C8orf58: variants seen among roughly 807,000 people sequenced by gnomAD.
C8orf58 encodes the protein uncharacterized protein C8orf58.
In C8orf58, 31 loss-of-function variants were observed where a neutral mutation model predicts 36.8. The ratio of observed to expected loss-of-function variants is 0.84; its 90% CI spans 0.63 to 1.14. C8orf58 has a LOEUF of 1.14. C8orf58 is among the 50% of genes most tolerant of loss of function. The pLI is 0.00. For missense variants in C8orf58, 538 were observed against 480.8 expected (o/e 1.12, Z -1.11); for synonymous variants, 230 against 200.2 (o/e 1.15, Z -1.26).
At chr8:22,603,141 C>T (rs1381703965) in intron 6 of C8orf58, 54 bp from the exon 7 acceptor site, 2 of 1,326,350 alleles carry the variant, frequency 1.5e-6, no homozygotes, top group Non-Finnish European at 2.2e-6. Context: ...ACTCTAGGGC[C>T]ATTGTTAGTT....
Position 22,601,719 on chromosome 8 carries a change from G to A in C8orf58, c.524G>A (p.Gly175Asp), listed in dbSNP as rs780564255. The change falls in exon 3 of 7, where the codon GGC (glycine) becomes GAC (aspartate). Residue 175 changes from glycine to aspartate, a missense_variant. Coordinates refer to ENST00000289989, the MANE Select transcript of C8orf58 (RefSeq NM_001013842.3). ...EAGLEEEAVG[G>D]LGPGAWACLP... ...TCTCACAATGTCCCACAGGTGGGGGGCCTGGGGCCTGGAGCCTGGGCCTGC... is the reference window on the plus strand; with the variant it reads ...TCTCACAATGTCCCACAGGTGGGGGACCTGGGGCCTGGAGCCTGGGCCTGC... The A allele has an allele frequency of 8.7e-6, 14 of 1,608,414 alleles. No homozygotes were observed. Among genetic ancestry groups the A allele is most frequent in the Non-Finnish European group, 2.5e-6 (3 of 1,177,942 alleles).
intron 1 of C8orf58, 109 bp downstream of exon 1, chr8:22,599,869 G>A: frequency 2.0e-6 from 1 of 490,042 alleles, no homozygotes; most frequent in Non-Finnish European, 3.1e-6. Flanking sequence ...CGCGCACCCC[G>A]CGGGCGGAGC....
At chr8:22,599,823 A>T in intron 1 of C8orf58, 63 bp downstream of exon 1, 1 of 746,540 alleles carries the variant, frequency 1.3e-6, no homozygotes, top group Non-Finnish European at 1.8e-6. Context: ...TCCCGCCCCC[A>T]AGCCGGGCAC....
At position 22,599,731 on chromosome 8, in the gene C8orf58, G is replaced by A. The variant is rs1286337801; in HGVS notation, c.11G>A (p.Arg4Gln). 4 of 1,218,400 alleles carry A rather than the reference G, an allele frequency of 3.3e-6. No homozygotes were observed. The highest frequency in any genetic ancestry group is 4.1e-6 in the Non-Finnish European group (4 of 979,474). 75.5% of individuals were successfully genotyped at this position (1,218,400 alleles called of 1,614,324 possible). A position where few individuals can be genotyped will look rare whatever the true frequency, so the allele number is the denominator to read the frequency against. Residue 4 changes from arginine (R) to glutamine (Q), a missense_variant, in exon 1 of 7, where the codon CGG (arginine) becomes CAG (glutamine). By Grantham distance (43) the Arg-to-Gln change is conservative. Transcript: ENST00000289989. ...GGCCGGGAGCGGGCCATGATGGGCC[G>A]GCGGCGCGCCTTCGCCGTGGACGGC... Reference protein sequence around the residue: MMGRRRAFAVDGRD... With the variant: MMGQRRAFAVDGRD...
In C8orf58 at chr8:22,601,036, C is replaced by T. The variant is rs201976769; in HGVS notation, c.195C>T (p.Ala65=). 2 of 1,612,846 alleles carry T rather than the reference C, an allele frequency of 1.2e-6. No individual in the cohort carries two copies. The highest frequency in any genetic ancestry group is 2.2e-5 in the East Asian group (1 of 44,882). Residue 65 remains alanine, a synonymous_variant, in exon 2 of 7, where the codon GCC becomes GCT. Transcript: ENST00000289989. ...VGREALFLKL[A]SRDSGVEMAV... ...GGGAGGCACTCTTTCTCAAACTGGCCTCCCGGGACTCAGGAGTGGAGATGG... is the reference window on the plus strand; with the variant it reads ...GGGAGGCACTCTTTCTCAAACTGGCTTCCCGGGACTCAGGAGTGGAGATGG...
intron 1 of C8orf58, 121 bp downstream of exon 1, chr8:22,599,881 C>T (rs1211298261): frequency 1.2e-5 from 5 of 425,606 alleles, no homozygotes; most frequent in African/African-American, 2.1e-5. Context: ...GGGCGGAGCC[C>T]GCGCCGCTGC....
Position 22,603,427 on chromosome 8 carries a change from C to A in C8orf58, c.*121C>A. 1 of 752,690 alleles carries A rather than the reference C, an allele frequency of 1.3e-6. No individual in the cohort carries two copies. 46.6% of individuals were successfully genotyped at this position (752,690 alleles called of 1,614,324 possible). A position where few individuals can be genotyped will look rare whatever the true frequency, so the allele number is the denominator to read the frequency against. ...AAAAGCTGCTGACGCCTGCCCTCCT[C>A]TCTTGAGTCGAGGGCTGAATCTTTC... is the stretch of plus-strand genomic sequence containing the variant. On this transcript the variant is annotated 3_prime_UTR_variant, in exon 7 of 7. Transcript: ENST00000289989.
Position 22,603,401 on chromosome 8 carries a change from G to T in C8orf58, c.*95G>T. 1 of 897,864 alleles carries T rather than the reference G, an allele frequency of 1.1e-6. No individual in the cohort carries two copies. 55.6% of individuals were successfully genotyped at this position (897,864 alleles called of 1,614,324 possible). A position where few individuals can be genotyped will look rare whatever the true frequency, so the allele number is the denominator to read the frequency against. ...TCTTGCTGCTTCTCCACATTGCCAGGAAAAGCTGCTGACGCCTGCCCTCCT... is the reference window on the plus strand; with the variant it reads ...TCTTGCTGCTTCTCCACATTGCCAGTAAAAGCTGCTGACGCCTGCCCTCCT... On this transcript the variant is annotated 3_prime_UTR_variant, in exon 7 of 7. Coordinates refer to ENST00000289989, the MANE Select transcript of C8orf58 (RefSeq NM_001013842.3).
At position 22,603,270 on chromosome 8, in the gene C8orf58, T is replaced by C. The variant is rs755416795; in HGVS notation, c.1062T>C (p.Val354=). The stretch of plus-strand genomic sequence containing the variant: ...AGACCTTTATGCCATCATTAGTGGT[T>C]AAGAAGCAACGAGCAAAAAACCTTT... The part of the protein sequence containing the change: ...HRKTFMPSLV[V]KKQRAKNLSV... Residue 354 remains valine (V), a synonymous_variant, in exon 7 of 7, where the codon GTT becomes GTC. Coordinates refer to ENST00000289989, the MANE Select transcript of C8orf58 (RefSeq NM_001013842.3). 2 of 1,613,970 alleles carry C rather than the reference T, an allele frequency of 1.2e-6. No homozygotes were observed. Among genetic ancestry groups the C allele is most frequent in the Non-Finnish European group, 1.7e-6 (2 of 1,180,002 alleles).
chr8:22,600,528 A>C, intron 1 of C8orf58: 1 of 288,564 alleles, frequency 3.5e-6, no homozygotes, highest in Non-Finnish European at 6.7e-6. Flanking sequence ...CCGCTTGGGG[A>C]GCAGCGGAAG....
Position 22,601,108 on chromosome 8 carries a change from C to G in C8orf58, c.267C>G (p.Asp89Glu). Residue 89 changes from aspartate to glutamate, a missense_variant, in exon 2 of 7, where the codon GAC becomes GAG. By Grantham distance (45) the Asp-to-Glu change is conservative. Transcript: ENST00000289989. ...PLAALPGLSQ[D>E]SLDFESSGSS... is the part of the protein sequence containing the mutation. ...CCGCCTTACCGGGCCTTTCTCAGGA[C>G]TCCCTGGACTTTGAATCCTCAGGGA... 1 of 1,612,424 alleles carries G rather than the reference C, an allele frequency of 6.2e-7. No homozygotes were observed. The highest frequency in any genetic ancestry group is 8.5e-7 in the Non-Finnish European group (1 of 1,179,988).
intron 6 of C8orf58, 50 bp from the exon 7 acceptor site, chr8:22,603,145 G>T: frequency 7.3e-7 from 1 of 1,373,230 alleles, no homozygotes; most frequent in Non-Finnish European, 1.0e-6. Flanking sequence ...TAGGGCCATT[G>T]TTAGTTTTAT....
intron 1 of C8orf58, 104 bp from the exon 2 acceptor site, chr8:22,600,778 T>C (rs1225521207): frequency 2.0e-6 from 2 of 992,178 alleles, no homozygotes; most frequent in Admixed American, 2.4e-5. Context: ...CCGCCCTTCC[T>C]CACTGCTCCG....
Position 22,602,026 on chromosome 8 carries a change from C to G in C8orf58, c.712C>G (p.Pro238Ala). Residue 238 changes from proline (P) to alanine (A), a missense_variant, in exon 4 of 7, where the codon CCA (proline) becomes GCA (alanine). Coordinates refer to ENST00000289989, the MANE Select transcript of C8orf58 (RefSeq NM_001013842.3). ...RAPLPSPLHT[P>A]GNRGQGPWEL... is the part of the protein sequence containing the mutation. Reference sequence around the variant, plus strand: ...CCCTTTACCGTCCCCGTTACACACCCCAGGCAATCGGGGGCAGGGGCCATG... The same window carrying G: ...CCCTTTACCGTCCCCGTTACACACCGCAGGCAATCGGGGGCAGGGGCCATG... 1 of 1,581,204 alleles carries G rather than the reference C, an allele frequency of 6.3e-7. No homozygotes were observed. The highest frequency in any genetic ancestry group is 8.6e-7 in the Non-Finnish European group (1 of 1,160,100).
At chr8:22,602,142 G>T in intron 4 of C8orf58, 58 bp from the exon 5 acceptor site, 1 of 1,554,520 alleles carries the variant, frequency 6.4e-7, no homozygotes, top group Non-Finnish European at 8.7e-7. Flanking sequence ...CAGGTCCTCT[G>T]AGCCGAAGCT....
rs543335279 is a variant in C8orf58, at chr8:22,601,082, G to A, written c.241G>A (p.Ala81Thr). Residue 81 changes from alanine (A) to threonine (T), a missense_variant, in exon 2 of 7, where the codon GCC (alanine) becomes ACC (threonine). By Grantham distance (58) the Ala-to-Thr change is moderately conservative. Transcript: ENST00000289989. ...GATGGCAGTTGGGGACAGCCCCCTG[G>A]CCGCCTTACCGGGCCTTTCTCAGGA... is the stretch of plus-strand genomic sequence containing the variant. ...VEMAVGDSPL[A>T]ALPGLSQDSL... 6.2e-7 allele frequency: 1 copy of A among 1,612,658 alleles called. No individual in the cohort carries two copies. The highest frequency in any genetic ancestry group is 8.5e-7 in the Non-Finnish European group (1 of 1,180,014).
chr8:22,601,678 G>A (rs749663889), intron 2 of C8orf58, 34 bp from the exon 3 acceptor site: 5 of 1,573,606 alleles, frequency 3.2e-6, no homozygotes, highest in Non-Finnish European at 4.3e-6. Flanking sequence ...AGCCCTACTG[G>A]CTGAAATCTC....
In C8orf58 at chr8:22,602,596, C is replaced by G; in HGVS notation, c.939C>G (p.Ser313Arg). Residue 313 changes from serine (S) to arginine (R), a missense_variant, in exon 6 of 7, where the codon AGC becomes AGG. By Grantham distance (110) the Ser-to-Arg change is moderately radical. Transcript: ENST00000289989. Reference protein sequence around the residue: ...KVLLNRICRRSHHHPEPPAPP... With the variant: ...KVLLNRICRRRHHHPEPPAPP... The stretch of plus-strand genomic sequence containing the variant: ...TGCTCAACCGGATCTGCCGGAGAAG[C>G]CACCACCACCCTGAGCCCCCTGCCC... The G allele has an allele frequency of 1.3e-6, 2 of 1,570,244 alleles. No homozygotes were observed. The highest frequency in any genetic ancestry group is 1.7e-6 in the Non-Finnish European group (2 of 1,154,408).
Position 22,600,888 on chromosome 8 carries a change from C to A in C8orf58, c.47C>A (p.Ala16Asp). Residue 16 changes from alanine to aspartate, a missense_variant, in exon 2 of 7, where the codon GCT becomes GAT. Coordinates refer to ENST00000289989, the MANE Select transcript of C8orf58 (RefSeq NM_001013842.3). ...RAFAVDGRDG[A>D]GEGLARGCIV... is the part of the protein sequence containing the mutation. Reference sequence around the variant, plus strand: ...ACGCTGACTCTCCATGCAGATGGGGCTGGCGAGGGCCTGGCACGGGGCTGC... The same window carrying A: ...ACGCTGACTCTCCATGCAGATGGGGATGGCGAGGGCCTGGCACGGGGCTGC... 2 of 1,600,294 alleles carry A rather than the reference C, an allele frequency of 1.2e-6. No homozygotes were observed. The highest frequency in any genetic ancestry group is 1.7e-6 in the Non-Finnish European group (2 of 1,174,536).
Sources: allele counts gnomAD v4.1 joint callset, GRCh38; gene constraint gnomAD v4.1.1; transcripts MANE v1.5; gene names NCBI Gene and HGNC (gene_info 2026-07-23, HGNC 2026-07-21).